The following CSMD1 variants were observed in gnomAD, a reference collection of about 807,000 sequenced individuals.
CSMD1 encodes the protein CUB and sushi domain-containing protein 1.
CSMD1 carries 213 observed loss-of-function variants against 417.5 expected under a neutral mutation model. The ratio of observed to expected loss-of-function variants is 0.51; its 90% CI spans 0.46 to 0.57. The LOEUF is 0.57. Ranked by LOEUF, CSMD1 falls within the 20% of genes least tolerant of loss-of-function variation. The probability of loss-of-function intolerance (pLI) is 0.00; values close to 1 mark genes in which losing one functional copy is unlikely to be tolerated. For synonymous variants in CSMD1, 2,862 were observed against 1,736.8 expected (o/e 1.65, Z -16.11); for missense variants, 6,923 against 4,529.7 (o/e 1.53, Z -15.17).
chr8:3,022,165 C>T lies in CSMD1; in HGVS notation c.7856-3515G>A, dbSNP rs1045900214. On this transcript the variant is annotated intron_variant, in intron 51 of 69. Coordinates refer to ENST00000635120, the MANE Select transcript of CSMD1 (RefSeq NM_033225.6). ...AATGCACCTGCAATCCAACAGCATCCGGAATGCACCGGCAATCCCACAGCA... is the reference window on the plus strand; with the variant it reads ...AATGCACCTGCAATCCAACAGCATCTGGAATGCACCGGCAATCCCACAGCA... Among the ~76,000 whole-genome samples the T allele has an allele frequency of 8.2e-5, 12 of 145,918 alleles. No homozygotes were observed. The East Asian group carries it at 1.3e-3, about 15-fold the overall frequency.
intron 5 of CSMD1, among the ~76,000 whole-genome samples, chr8:3,990,680 T>C (rs1814675559): frequency 1.3e-5 from 2 of 152,228 alleles, no homozygotes; most frequent in African/African-American, 4.8e-5. Context: ...TTTCTAGAAT[T>C]TGTGAAGAAA....
At chr8:4,747,415 C>A (rs143236139) in intron 1 of CSMD1, among the ~76,000 whole-genome samples, 39 of 152,128 alleles carry the variant, frequency 2.6e-4, no homozygotes, top group Middle Eastern at 3.4e-3. Flanking sequence ...AAGAGCAATA[C>A]AATAGTGTGT....
Position 4,094,892 on chromosome 8 carries a change from T to C in CSMD1, c.416-62793A>G, listed in dbSNP as rs114353519. Among the ~76,000 whole-genome samples the C allele has an allele frequency of 6.5e-3, 993 of 152,278 alleles. 12 individuals are homozygous for C. The highest frequency in any genetic ancestry group is 0.023 in the African/African-American group (947 of 41,560). ...CATATTGTGTATGTTAAAAGACAGA[T>C]TGAAGAGGATACTGGAGAGACATGG... On this transcript the variant is annotated intron_variant, in intron 3 of 69. Transcript: ENST00000635120.
At chr8:3,607,139 C>G (rs1463599320) in intron 8 of CSMD1, among the ~76,000 whole-genome samples, 3 of 152,082 alleles carry the variant, frequency 2.0e-5, no homozygotes, top group South Asian at 2.1e-4. Flanking sequence ...TTCTATTGTT[C>G]TTTTTACTTT....
rs980345543 is a variant in CSMD1, at chr8:3,629,508, GACA to G, written c.1010-12714_1010-12712del. The stretch of plus-strand genomic sequence containing the variant: ...AATACACCTAGCATTGCTCAATAAA[GACA>G]ACGTTACAGCAAATATCAGCTCCTC... On this transcript the variant is annotated intron_variant, in intron 7 of 69. Coordinates refer to ENST00000635120, the MANE Select transcript of CSMD1 (RefSeq NM_033225.6). 7.4e-4 allele frequency among the ~76,000 whole-genome samples: 112 copies of G among 152,206 alleles called. 1 individual carries two copies. The highest frequency in any genetic ancestry group is 6.8e-3 in the South Asian group (33 of 4,822).
chr8:4,893,153 G>C (rs945539808), intron 1 of CSMD1, among the ~76,000 whole-genome samples: 2 of 151,934 alleles, frequency 1.3e-5, no homozygotes, highest in Non-Finnish European at 2.9e-5. Flanking sequence ...CCTTTTTGTT[G>C]TTTTAATTTG....
At chr8:4,604,175 C>T (rs951111391) in intron 2 of CSMD1, among the ~76,000 whole-genome samples, 1 of 151,902 alleles carries the variant, frequency 6.6e-6, no homozygotes, top group Non-Finnish European at 1.5e-5. Flanking sequence ...TTCCAAAGTC[C>T]TCACATAATC....
At chr8:3,541,545 AAT>A (rs1798438973) in intron 10 of CSMD1, among the ~76,000 whole-genome samples, 2 of 149,298 alleles carry the variant, frequency 1.3e-5, no homozygotes, top group Non-Finnish European at 3.0e-5. Context: ...AAATTAAAAA[AAT>A]ATGAGAATAA....
At chr8:4,979,121 C>T (rs2117419444) in intron 1 of CSMD1, among the ~76,000 whole-genome samples, 1 of 152,288 alleles carries the variant, frequency 6.6e-6, no homozygotes, top group East Asian at 1.9e-4. Flanking sequence ...TTCTACCTGA[C>T]TCTACTGAGT....
intron 5 of CSMD1, among the ~76,000 whole-genome samples, chr8:3,823,849 ATTAAC>A (rs965552340): frequency 3.3e-5 from 5 of 152,178 alleles, no homozygotes; most frequent in African/African-American, 7.2e-5. Flanking sequence ...AAATTTTTAA[ATTAAC>A]TTAATTTAAA....
chr8:4,865,893 T>G (rs941332336), intron 1 of CSMD1, among the ~76,000 whole-genome samples: 1 of 151,886 alleles, frequency 6.6e-6, no homozygotes, highest in African/African-American at 2.4e-5. Context: ...AATCATAGGT[T>G]TGAAAGAAAA....
At chr8:3,307,007 G>C (rs866864973) in intron 25 of CSMD1, among the ~76,000 whole-genome samples, 1 of 145,354 alleles carries the variant, frequency 6.9e-6, no homozygotes, top group East Asian at 2.0e-4. Flanking sequence ...GTACTTTCTT[G>C]GTCTACCTCA....
intron 3 of CSMD1, among the ~76,000 whole-genome samples, chr8:4,132,582 T>C (rs935530211): frequency 8.5e-5 from 13 of 152,178 alleles, no homozygotes; most frequent in Non-Finnish European, 4.4e-5. Context: ...ATAGCATACA[T>C]CATCAATGGC....
intron 29 of CSMD1, among the ~76,000 whole-genome samples, chr8:3,215,228 G>A (rs768319526): frequency 4.6e-5 from 7 of 152,192 alleles, no homozygotes; most frequent in Non-Finnish European, 8.8e-5. Context: ...GAAGATGGAT[G>A]CTTGTTCTCA....
intron 41 of CSMD1, among the ~76,000 whole-genome samples, chr8:3,120,016 T>A (rs565441669): frequency 3.3e-5 from 5 of 152,292 alleles, no homozygotes; most frequent in African/African-American, 1.2e-4. Context: ...TATGTGTAAA[T>A]TCCTTAACCA....
chr8:4,240,463 G>C (rs1267607590), intron 3 of CSMD1, among the ~76,000 whole-genome samples: 2 of 152,176 alleles, frequency 1.3e-5, no homozygotes, highest in East Asian at 1.9e-4. Context: ...CCACATCTCA[G>C]ATAACAATCT....
chr8:3,366,646 G>A (rs1809585549), intron 20 of CSMD1, among the ~76,000 whole-genome samples: 1 of 152,140 alleles, frequency 6.6e-6, no homozygotes, highest in South Asian at 2.1e-4. Context: ...CTACCGTAGG[G>A]TAGAAACCAA....
chr8:4,200,758 C>T (rs544302976), intron 3 of CSMD1, among the ~76,000 whole-genome samples: 68 of 152,192 alleles, frequency 4.5e-4, no homozygotes, highest in Non-Finnish European at 7.5e-4. Flanking sequence ...ACTACTCTGG[C>T]GACTGAGATG....
At position 3,284,699 on chromosome 8, in the gene CSMD1, A is replaced by C. The variant is rs912838923; in HGVS notation, c.3951-353T>G. ...AACCAAATATAAGCTTGGCATTGAC[A>C]GATGTGTTTGAAGCAGATGGAAGGC... On this transcript the variant is annotated intron_variant, in intron 25 of 69. Coordinates refer to ENST00000635120, the MANE Select transcript of CSMD1 (RefSeq NM_033225.6). The C allele has an allele frequency of 1.1e-4, 29 of 254,624 alleles. 1 individual carries two copies. The allele number at this position is 254,624 out of a possible 1,614,324, so 15.8% of individuals were successfully genotyped here.
Sources: gnomAD v4.1 joint callset for allele counts (sites outside exome capture counted in the v4.1 genomes callset) on GRCh38, gnomAD v4.1.1 for gene constraint, MANE v1.5 for transcripts, NCBI Gene and HGNC (gene_info 2026-07-23, HGNC 2026-07-21) for gene names.